CYP4X1: variants seen among roughly 807,000 people sequenced by gnomAD.
The protein encoded by CYP4X1 is cytochrome P450 family 4 subfamily X member 1.
Under a neutral mutation model 57.9 loss-of-function variants are expected in CYP4X1, and 44 were observed. That is an observed-to-expected ratio of 0.76 (90% CI 0.60 to 0.98). The LOEUF is 0.98. CYP4X1 is among the 50% of genes least tolerant of loss of function. The pLI is 0.00. For synonymous variants in CYP4X1, 227 were observed against 228.6 expected, an observed-to-expected ratio of 0.99 and a Z score of 0.06; for missense variants, 532 against 623.9, an observed-to-expected ratio of 0.85 and a Z score of 1.57.
intron 6 of CYP4X1, among the ~76,000 whole-genome samples, chr1:47,036,644 A>T (rs1334816220): frequency 6.6e-6 from 1 of 152,138 alleles, no homozygotes; most frequent in Non-Finnish European, 1.5e-5. Context: ...TAAGCAATTC[A>T]ACATTACTTG....
the CYP4X1 span, among the ~76,000 whole-genome samples, chr1:46,976,386 G>C: frequency 6.6e-6 from 1 of 152,176 alleles, no homozygotes; most frequent in Non-Finnish European, 1.5e-5. Context: ...GTGGCAGCCT[G>C]GCTGAGGGAG....
chr1:46,992,873 G>A, the CYP4X1 span, among the ~76,000 whole-genome samples: 21 of 152,210 alleles, frequency 1.4e-4, no homozygotes, highest in African/African-American at 5.1e-4. Context: ...ATTTGTAAGA[G>A]TTCCAATTTT....
intron 6 of CYP4X1, 77 bp from the exon 7 acceptor site, chr1:47,038,583 T>A: frequency 9.2e-7 from 1 of 1,086,466 alleles, no homozygotes; most frequent in Non-Finnish European, 1.3e-6. Context: ...TTGAAGCTAT[T>A]CACTAACCAT....
chr1:46,984,395 A>C, the CYP4X1 span, among the ~76,000 whole-genome samples: 24 of 151,698 alleles, frequency 1.6e-4, no homozygotes, highest in Non-Finnish European at 3.2e-4. Context: ...AAAAAAAAAA[A>C]AAAAAACCAG....
the CYP4X1 span, among the ~76,000 whole-genome samples, chr1:46,987,081 C>T: frequency 6.6e-6 from 1 of 152,228 alleles, no homozygotes; most frequent in South Asian, 2.1e-4. Flanking sequence ...CACAGACTGG[C>T]AAATTGGATA....
the CYP4X1 span, among the ~76,000 whole-genome samples, chr1:47,008,771 C>T: frequency 6.6e-6 from 1 of 152,104 alleles, no homozygotes; most frequent in Admixed American, 6.6e-5. Context: ...GGTTGCAATC[C>T]TAGTCTCTGA....
At chr1:47,047,993 A>G (rs915928002) in intron 9 of CYP4X1, among the ~76,000 whole-genome samples, 2 of 152,040 alleles carry the variant, frequency 1.3e-5, no homozygotes, top group African/African-American at 4.8e-5. Flanking sequence ...ATATAATCCC[A>G]ATATTTTGTG....
the CYP4X1 span, among the ~76,000 whole-genome samples, chr1:47,014,791 A>G: frequency 6.6e-6 from 1 of 152,096 alleles, no homozygotes; most frequent in Non-Finnish European, 1.5e-5. Flanking sequence ...CATTTTAAAA[A>G]CTGGGTGGAG....
chr1:46,962,656 G>A, the CYP4X1 span, among the ~76,000 whole-genome samples: 1 of 152,214 alleles, frequency 6.6e-6, no homozygotes, highest in Non-Finnish European at 1.5e-5. Flanking sequence ...TTGCTGAGGA[G>A]TGCTTTACTT....
intron 1 of CYP4X1, among the ~76,000 whole-genome samples, chr1:47,027,674 C>A (rs573383425): frequency 1.3e-5 from 2 of 152,276 alleles, no homozygotes; most frequent in South Asian, 2.1e-4. Context: ...ATAAGAATTT[C>A]ATTCCTTACT....
chr1:47,016,127 C>G, the CYP4X1 span, among the ~76,000 whole-genome samples: 1 of 151,866 alleles, frequency 6.6e-6, no homozygotes, highest in African/African-American at 2.4e-5. Flanking sequence ...CTTAAAACTC[C>G]CTGACCCCTG....
At chr1:47,022,868 G>A (rs1052224436), upstream of CYP4X1, among the ~76,000 whole-genome samples, 1 of 152,104 alleles carries the variant, frequency 6.6e-6, no homozygotes, top group African/African-American at 2.4e-5. Flanking sequence ...CAGGGAGGTG[G>A]GGGGAGACAC....
At chr1:47,007,873 A>G in the CYP4X1 span, among the ~76,000 whole-genome samples, 2 of 152,236 alleles carry the variant, frequency 1.3e-5, no homozygotes, top group Non-Finnish European at 2.9e-5. Flanking sequence ...AGTTTAGAGA[A>G]AAAAGAATAA....
the CYP4X1 span, among the ~76,000 whole-genome samples, chr1:46,991,775 C>T: frequency 3.5e-5 from 5 of 142,912 alleles, 1 homozygote; most frequent in South Asian, 4.6e-4. Context: ...CGCTGGCCGG[C>T]GACTCGGAGG....
intron 1 of CYP4X1, among the ~76,000 whole-genome samples, chr1:47,028,509 GA>G (rs1487005080): frequency 1.3e-5 from 2 of 152,178 alleles, no homozygotes; most frequent in Non-Finnish European, 2.9e-5. Context: ...TGCATTTTCT[GA>G]ACATTTCTGA....
chr1:46,984,359 C>T, the CYP4X1 span, among the ~76,000 whole-genome samples: 3 of 139,494 alleles, frequency 2.2e-5, no homozygotes, highest in African/African-American at 2.7e-5. Flanking sequence ...GTGTTTAACT[C>T]CTCCCTGCTC....
At chr1:47,001,889 C>T in the CYP4X1 span, among the ~76,000 whole-genome samples, 2 of 152,258 alleles carry the variant, frequency 1.3e-5, no homozygotes, top group African/African-American at 4.8e-5. Flanking sequence ...TCCTAACCCT[C>T]TTCATGTGGA....
chr1:46,998,242 C>G, the CYP4X1 span, among the ~76,000 whole-genome samples: 209 of 152,168 alleles, frequency 1.4e-3, no homozygotes, highest in African/African-American at 4.5e-3. Context: ...ATGGTGTGAT[C>G]ATAGCTCACT....
chr1:46,980,479 G>A, the CYP4X1 span, among the ~76,000 whole-genome samples: 1 of 152,080 alleles, frequency 6.6e-6, no homozygotes, highest in African/African-American at 2.4e-5. Flanking sequence ...AATAAAAGAG[G>A]ACACAAACAA....
Sources: allele counts gnomAD v4.1 joint callset (sites outside exome capture counted in the v4.1 genomes callset), GRCh38; gene constraint gnomAD v4.1.1; transcripts MANE v1.5; gene names NCBI Gene and HGNC (gene_info 2026-07-23, HGNC 2026-07-21).